The following MARCHF1 variants were observed in gnomAD, a reference collection of about 807,000 sequenced individuals.
MARCHF1 encodes the protein membrane associated ring-CH-type finger 1.
MARCHF1 carries 40 observed loss-of-function variants against 54.2 expected under a neutral mutation model. That is an observed-to-expected ratio of 0.74 (90% CI 0.57 to 0.96). MARCHF1 has a LOEUF of 0.96. MARCHF1 is among the 40% of genes least tolerant of loss of function. The pLI is 0.00. For missense variants in MARCHF1, 586 were observed against 656.5 expected (o/e 0.89, Z 1.17); for synonymous variants, 236 against 236.3 (o/e 1.00, Z 0.01).
chr4:163,895,802 T>A (rs1376615374), intron 3 of MARCHF1, among the ~76,000 whole-genome samples: 1 of 152,188 alleles, frequency 6.6e-6, no homozygotes, highest in African/African-American at 2.4e-5. Flanking sequence ...GTGCCTCGGC[T>A]GTCACTATGA....
chr4:163,984,561 T>C (rs895534210), intron 3 of MARCHF1, among the ~76,000 whole-genome samples: 1 of 152,120 alleles, frequency 6.6e-6, no homozygotes, highest in African/African-American at 2.4e-5. Context: ...ATAGACACAT[T>C]TGCTTGCAAA....
intron 5 of MARCHF1, among the ~76,000 whole-genome samples, chr4:163,623,672 G>A (rs567387618): frequency 6.6e-6 from 1 of 152,262 alleles, no homozygotes; most frequent in South Asian, 2.1e-4. Context: ...TTTGGAATCA[G>A]CTAACTTCAT....
At chr4:164,266,909 A>G (rs1274599127) in intron 1 of MARCHF1, among the ~76,000 whole-genome samples, 2 of 152,234 alleles carry the variant, frequency 1.3e-5, no homozygotes, top group East Asian at 1.9e-4. Flanking sequence ...AATTCAACTC[A>G]TCAATTTAAG....
chr4:163,775,778 G>C (rs1403847789), intron 4 of MARCHF1, among the ~76,000 whole-genome samples: 1 of 151,970 alleles, frequency 6.6e-6, no homozygotes, highest in African/African-American at 2.4e-5. Context: ...GAGTTGAGTG[G>C]ATATAAAAAA....
At chr4:163,623,429 C>T (rs1468205541) in intron 5 of MARCHF1, among the ~76,000 whole-genome samples, 1 of 152,226 alleles carries the variant, frequency 6.6e-6, no homozygotes, top group Non-Finnish European at 1.5e-5. Context: ...TAAGTGCCAA[C>T]TAATGTTATG....
chr4:163,656,725 T>C (rs1743158117), intron 5 of MARCHF1, among the ~76,000 whole-genome samples: 1 of 152,032 alleles, frequency 6.6e-6, no homozygotes, highest in Non-Finnish European at 1.5e-5. Context: ...GTTGCCTTCA[T>C]CCCCAGGATG....
chr4:164,033,176 G>GAA (rs893008974), intron 2 of MARCHF1, among the ~76,000 whole-genome samples: 27 of 127,966 alleles, frequency 2.1e-4, no homozygotes, highest in East Asian at 4.5e-4. Context: ...TCCATCTCGG[G>GAA]AAAAAAAAAA....
intron 1 of MARCHF1, among the ~76,000 whole-genome samples, chr4:164,241,865 C>A (rs186929910): frequency 3.5e-4 from 54 of 152,248 alleles, no homozygotes; most frequent in Admixed American, 9.2e-4. Context: ...AAAGGGGTGA[C>A]GGATGGCACC....
intron 4 of MARCHF1, among the ~76,000 whole-genome samples, chr4:163,845,920 T>G (rs1749472609): frequency 6.6e-6 from 1 of 152,216 alleles, no homozygotes; most frequent in African/African-American, 2.4e-5. Flanking sequence ...CCCCTTCGCA[T>G]TCTTCAATTC....
intron 2 of MARCHF1, among the ~76,000 whole-genome samples, chr4:164,023,987 C>G (rs561006568): frequency 8.4e-4 from 127 of 152,090 alleles, no homozygotes; most frequent in African/African-American, 2.8e-3. Flanking sequence ...AGGAAAGAAT[C>G]TCATAGCTTA....
intron 1 of MARCHF1, among the ~76,000 whole-genome samples, chr4:164,119,701 T>A (rs2110767428): frequency 6.6e-6 from 1 of 151,012 alleles, no homozygotes; most frequent in Admixed American, 6.6e-5. Flanking sequence ...TTAAAAATCC[T>A]AAGGCTTTTT....
In MARCHF1 at chr4:164,306,539, G is replaced by A. The variant is rs115234901; in HGVS notation, c.-323+77331C>T. On this transcript the variant is annotated intron_variant, in intron 1 of 9. Coordinates refer to ENST00000514618, the MANE Select transcript of MARCHF1 (RefSeq NM_001394959.1). ...AACGATTTGTTTCAAAAAATTATTAGTAGTCACGTGAGTTCAGCCTACCTC... is the reference window on the plus strand; with the variant it reads ...AACGATTTGTTTCAAAAAATTATTAATAGTCACGTGAGTTCAGCCTACCTC... Among the ~76,000 whole-genome samples, 1,102 of 152,124 alleles carry A rather than the reference G, an allele frequency of 7.2e-3. 11 individuals carry two copies. The highest frequency in any genetic ancestry group is 0.025 in the African/African-American group (1,030 of 41,502).
intron 1 of MARCHF1, among the ~76,000 whole-genome samples, chr4:164,190,552 T>C (rs1208215789): frequency 6.6e-6 from 1 of 151,352 alleles, no homozygotes; most frequent in African/African-American, 2.4e-5. Context: ...TCTTAAAAAG[T>C]GGGTAAAAAA....
chr4:164,097,039 A>T (rs1579529645), intron 2 of MARCHF1, among the ~76,000 whole-genome samples: 1 of 152,150 alleles, frequency 6.6e-6, no homozygotes, highest in East Asian at 1.9e-4. Flanking sequence ...AGTACAGAAA[A>T]GCTGTTCACT....
At chr4:164,116,700 T>A (rs1003998608) in intron 1 of MARCHF1, among the ~76,000 whole-genome samples, 1 of 152,022 alleles carries the variant, frequency 6.6e-6, no homozygotes, top group Non-Finnish European at 1.5e-5. Flanking sequence ...ACACCATACA[T>A]AGAAAGCATT....
chr4:163,943,809 C>T (rs1221558818), intron 3 of MARCHF1, among the ~76,000 whole-genome samples: 1 of 150,594 alleles, frequency 6.6e-6, no homozygotes, highest in East Asian at 1.9e-4. Flanking sequence ...TAGAGCCTTC[C>T]ACGGAATTTA....
intron 3 of MARCHF1, among the ~76,000 whole-genome samples, chr4:163,857,589 C>G (rs1297855965): frequency 1.3e-5 from 2 of 152,080 alleles, no homozygotes; most frequent in Non-Finnish European, 2.9e-5. Context: ...ATAATGATCA[C>G]AGGAAATTGA....
At chr4:163,884,836 G>A (rs1750493784) in intron 3 of MARCHF1, among the ~76,000 whole-genome samples, 1 of 152,080 alleles carries the variant, frequency 6.6e-6, no homozygotes. Flanking sequence ...TTTAAAAACT[G>A]ATAAATGAAT....
intron 2 of MARCHF1, among the ~76,000 whole-genome samples, chr4:164,041,489 C>A (rs543182913): frequency 6.6e-6 from 1 of 152,186 alleles, no homozygotes; most frequent in Non-Finnish European, 1.5e-5. Flanking sequence ...TAGTGATGTG[C>A]CCTGAGCAAT....
Sources: gnomAD v4.1 joint callset for allele counts (sites outside exome capture counted in the v4.1 genomes callset) on GRCh38, gnomAD v4.1.1 for gene constraint, MANE v1.5 for transcripts, NCBI Gene and HGNC (gene_info 2026-07-23, HGNC 2026-07-21) for gene names.